Variants in SPOPL observed in about 807,000 individuals in gnomAD.
SPOPL encodes speckle type BTB/POZ protein like, also known as speckle-type POZ protein-like.
Under a neutral mutation model 53.8 loss-of-function variants are expected in SPOPL, and 23 were observed. The ratio of observed to expected loss-of-function variants is 0.43; its 90% CI spans 0.31 to 0.61. The LOEUF (loss-of-function observed/expected upper bound fraction) is 0.61. SPOPL is among the 20% of genes least tolerant of loss of function. SPOPL has a pLI of 0.12. For synonymous variants in SPOPL, 164 were observed against 149.7 expected (o/e 1.10, Z -0.70); for missense variants, 442 against 466.9 (o/e 0.95, Z 0.49).
rs1367027633 is a variant in SPOPL, at chr2:138,532,930, A to G, written c.-60-17227A>G. ...ATTTAGTTTACCTGCTAGTTACTCC[A>G]TTATCCCCAGAAGCAGAACATCCCA... On this transcript the variant is annotated intron_variant, in intron 1 of 10. Transcript: ENST00000280098. Among the ~76,000 whole-genome samples, 5 of 152,174 alleles carry G rather than the reference A, an allele frequency of 3.3e-5. No individual in the cohort carries two copies. In the East Asian group the frequency reaches 7.7e-4, roughly 24 times the overall value.
chr2:138,541,569 G>A (rs578253578), intron 1 of SPOPL, among the ~76,000 whole-genome samples: 1 of 152,292 alleles, frequency 6.6e-6, no homozygotes, highest in East Asian at 1.9e-4. Flanking sequence ...TTGTATTTCT[G>A]TGGGATCGGT....
At chr2:138,567,457 GAGA>G (rs1291349273) in intron 10 of SPOPL, among the ~76,000 whole-genome samples, 55 of 149,480 alleles carry the variant, frequency 3.7e-4, no homozygotes, top group African/African-American at 1.3e-3. Flanking sequence ...GGTAGTTAAT[GAGA>G]AGAAGCTGGA....
intron 1 of SPOPL, among the ~76,000 whole-genome samples, chr2:138,540,414 T>C (rs989680236): frequency 8.5e-5 from 13 of 152,228 alleles, no homozygotes; most frequent in Admixed American, 8.5e-4. Context: ...TATCCTCTTT[T>C]ATTTCATTGA....
chr2:138,544,979 C>T (rs577560286), intron 1 of SPOPL, among the ~76,000 whole-genome samples: 1 of 152,188 alleles, frequency 6.6e-6, no homozygotes. Context: ...TATTCCCCAG[C>T]TTCTTCCTTC....
At chr2:138,567,058 C>T (rs758645570) in intron 10 of SPOPL, among the ~76,000 whole-genome samples, 1 of 152,104 alleles carries the variant, frequency 6.6e-6, no homozygotes, top group Admixed American at 6.6e-5. Flanking sequence ...CCAGTAAATT[C>T]CCAAGTCACA....
At chr2:138,508,722 C>G (rs1684265904) in intron 1 of SPOPL, among the ~76,000 whole-genome samples, 1 of 152,120 alleles carries the variant, frequency 6.6e-6, no homozygotes, top group Non-Finnish European at 1.5e-5. Flanking sequence ...CTGTCTTTCC[C>G]AGGCTTGTCT....
At chr2:138,541,121 G>C (rs930389582) in intron 1 of SPOPL, among the ~76,000 whole-genome samples, 1 of 152,140 alleles carries the variant, frequency 6.6e-6, no homozygotes, top group Non-Finnish European at 1.5e-5. Flanking sequence ...TACGCTTCTT[G>C]ATGTGCTGCT....
intron 1 of SPOPL, among the ~76,000 whole-genome samples, chr2:138,533,317 C>A (rs1684851678): frequency 6.6e-6 from 1 of 152,094 alleles, no homozygotes; most frequent in Admixed American, 6.5e-5. Flanking sequence ...CTATAGAATA[C>A]AGCTCAGGGA....
chr2:138,569,086 T>A lies in SPOPL; in HGVS notation c.*6T>A. The A allele has an allele frequency of 6.2e-7, 1 of 1,609,910 alleles. No individual in the cohort carries two copies. The highest frequency in any genetic ancestry group is 2.2e-5 in the East Asian group (1 of 44,832). On this transcript the variant is annotated 3_prime_UTR_variant, in exon 11 of 11. Transcript: ENST00000280098. ...AACGGCTAAAACAGTCCTGAAATCT[T>A]CCATGAACAGTTGAAAAATGGAATT... is the stretch of plus-strand genomic sequence containing the variant.
At chr2:138,537,359 T>C (rs1298371505) in intron 1 of SPOPL, among the ~76,000 whole-genome samples, 1 of 151,984 alleles carries the variant, frequency 6.6e-6, no homozygotes, top group African/African-American at 2.4e-5. Context: ...GGATACATGA[T>C]TGGGGGCTGC....
rs567127692 is a variant in SPOPL, at chr2:138,570,850, T to C, written c.*1770T>C. ...AAAAAACTCAACTAAGCATTTGTTA[T>C]CCACAACAACCTAGAGTTTAAAAAG... On this transcript the variant is annotated 3_prime_UTR_variant, in exon 11 of 11. Coordinates refer to ENST00000280098, the MANE Select transcript of SPOPL (RefSeq NM_001001664.3). The C allele has an allele frequency of 9.2e-5, 14 of 152,294 alleles. No individual in the cohort carries two copies. The East Asian group carries it at 2.7e-3, about 29-fold the overall frequency. The allele number at this position is 152,294 out of a possible 1,614,324, so 9.4% of individuals were successfully genotyped here.
chr2:138,569,266 C>A lies in SPOPL; in HGVS notation c.*186C>A. ...GTTTATTCTTCAGCTTTAAATTAGA[C>A]TGATTAATTCACTTCAAGGCCTTAA... On this transcript the variant is annotated 3_prime_UTR_variant, in exon 11 of 11. Transcript: ENST00000280098. 1 of 598,178 alleles carries A rather than the reference C, an allele frequency of 1.7e-6. No individual in the cohort carries two copies. Among genetic ancestry groups the A allele is most frequent in the East Asian group, 2.9e-5 (1 of 34,296 alleles). The allele number at this position is 598,178 out of a possible 1,614,324, so 37.1% of individuals were successfully genotyped here.
At chr2:138,531,991 T>A (rs1684819366) in intron 1 of SPOPL, among the ~76,000 whole-genome samples, 1 of 152,218 alleles carries the variant, frequency 6.6e-6, no homozygotes, top group Non-Finnish European at 1.5e-5. Flanking sequence ...GAATCAAGAC[T>A]GTTTTAAGGC....
intron 1 of SPOPL, among the ~76,000 whole-genome samples, chr2:138,514,776 C>G (rs562359679): frequency 6.6e-6 from 1 of 152,164 alleles, no homozygotes; most frequent in African/African-American, 2.4e-5. Flanking sequence ...TTAGTATAAC[C>G]CAGTGATTTC....
chr2:138,557,659 T>C (rs1685456925), intron 5 of SPOPL, among the ~76,000 whole-genome samples: 1 of 152,250 alleles, frequency 6.6e-6, no homozygotes, highest in African/African-American at 2.4e-5. Flanking sequence ...TATCTATTGC[T>C]GTGTAACAAA....
intron 5 of SPOPL, among the ~76,000 whole-genome samples, chr2:138,557,185 T>G (rs1685445166): frequency 6.6e-6 from 1 of 152,058 alleles, no homozygotes; most frequent in African/African-American, 2.4e-5. Context: ...TCTGGAGATT[T>G]AGGTCTAGTC....
Position 138,550,144 on chromosome 2 carries a change from C to A in SPOPL, c.-60-13C>A. ...ACTTTTTAATCAGTACATCAAACTT[C>A]TTTCCTTTGTAGGTAAGGTACTCAA... is the stretch of plus-strand genomic sequence containing the variant. On this transcript the variant is annotated splice_polypyrimidine_tract_variant and intron_variant, in intron 1 of 10. Transcript: ENST00000280098. 7.1e-7 allele frequency: 1 copy of A among 1,406,456 alleles called. No individual in the cohort carries two copies. Among genetic ancestry groups the A allele is most frequent in the Non-Finnish European group, 1.0e-6 (1 of 999,986 alleles). 87.1% of individuals were successfully genotyped at this position (1,406,456 alleles called of 1,614,324 possible). A position where few individuals can be genotyped will look rare whatever the true frequency, so the allele number is the denominator to read the frequency against.
At chr2:138,527,703 A>C (rs974405776) in intron 1 of SPOPL, among the ~76,000 whole-genome samples, 5 of 152,064 alleles carry the variant, frequency 3.3e-5, no homozygotes, top group African/African-American at 1.2e-4. Context: ...TTTATCTATT[A>C]GTTTTCCCCA....
intron 1 of SPOPL, among the ~76,000 whole-genome samples, chr2:138,521,567 G>A (rs1279492802): frequency 1.3e-5 from 2 of 151,862 alleles, no homozygotes; most frequent in African/African-American, 4.8e-5. Flanking sequence ...TTTTTTTTGT[G>A]TGTGTGGGAG....
Sources: gnomAD v4.1 joint callset for allele counts (sites outside exome capture counted in the v4.1 genomes callset) on GRCh38, gnomAD v4.1.1 for gene constraint, MANE v1.5 for transcripts, NCBI Gene and HGNC (gene_info 2026-07-23, HGNC 2026-07-21) for gene names.